MICAL2: variants seen among roughly 807,000 people sequenced by gnomAD.
MICAL2 encodes [F-actin]-monooxygenase MICAL2.
A neutral mutation model predicts 127.3 loss-of-function variants in MICAL2; 77 were observed. The ratio of observed to expected loss-of-function variants is 0.60; its 90% CI spans 0.50 to 0.73. The LOEUF is 0.73. MICAL2 is among the 30% of genes least tolerant of loss of function. The pLI is 0.00. For missense variants in MICAL2, 1,351 were observed against 1,434.4 expected, an observed-to-expected ratio of 0.94 and a Z score of 0.94; for synonymous variants, 570 against 551.1, an observed-to-expected ratio of 1.03 and a Z score of -0.48.
chr11:12,321,038 A>G (rs1864289239), intron 30 of MICAL2, among the ~76,000 whole-genome samples: 1 of 152,184 alleles, frequency 6.6e-6, no homozygotes, highest in Non-Finnish European at 1.5e-5. Flanking sequence ...AGATCCCAGC[A>G]TCAGCCATCT....
chr11:12,218,349 C>A (rs916809260), intron 8 of MICAL2, among the ~76,000 whole-genome samples: 1 of 152,168 alleles, frequency 6.6e-6, no homozygotes, highest in Non-Finnish European at 1.5e-5. Context: ...TATGGTTTTG[C>A]TCCTTCTTCC....
upstream of MICAL2, among the ~76,000 whole-genome samples, chr11:12,272,052 C>G (rs1370109844): frequency 6.6e-6 from 1 of 152,230 alleles, no homozygotes; most frequent in East Asian, 1.9e-4. Context: ...CCTCCTGGAG[C>G]CCAGGGAGCC....
At chr11:12,352,415 C>G (rs1939065209) in intron 33 of MICAL2, among the ~76,000 whole-genome samples, 1 of 152,200 alleles carries the variant, frequency 6.6e-6, no homozygotes, top group Non-Finnish European at 1.5e-5. Context: ...TAGAAGAGCT[C>G]CATGGCGACA....
chr11:12,297,176 A>G (rs551453200), downstream of MICAL2, among the ~76,000 whole-genome samples: 1 of 152,302 alleles, frequency 6.6e-6, no homozygotes, highest in South Asian at 2.1e-4. Context: ...GCAGCAAAGT[A>G]TGAGAACTCG....
chr11:12,345,394 G>C (rs1346121557), intron 32 of MICAL2, among the ~76,000 whole-genome samples: 1 of 152,224 alleles, frequency 6.6e-6, no homozygotes, highest in East Asian at 1.9e-4. Context: ...GGTGCATATA[G>C]AGTCGGCTTC....
downstream of MICAL2, chr11:12,294,899 G>T: frequency 7.0e-7 from 1 of 1,421,754 alleles, no homozygotes; most frequent in Non-Finnish European, 9.1e-7. Flanking sequence ...CTTCATGCTG[G>T]GCAGTTAGTA....
intron 2 of MICAL2, chr11:12,287,014 T>A (rs1378352224): frequency 1.0e-5 from 4 of 398,610 alleles, no homozygotes; most frequent in African/African-American, 6.2e-5. Context: ...AGGAGATAAA[T>A]TCCTACTTAC....
chr11:12,345,340 C>T (rs747433474), intron 32 of MICAL2, among the ~76,000 whole-genome samples: 1 of 152,140 alleles, frequency 6.6e-6, no homozygotes, highest in South Asian at 2.1e-4. Context: ...CTCTAACAGC[C>T]TCATAGACAA....
In MICAL2 at chr11:12,216,276, C is replaced by T. The variant is rs1224838865; in HGVS notation, c.905C>T (p.Thr302Ile). 2 of 1,613,960 alleles carry T rather than the reference C, an allele frequency of 1.2e-6. No homozygotes were observed. Among genetic ancestry groups the T allele is most frequent in the South Asian group, 2.2e-5 (2 of 91,086 alleles). ...YKDCTHYFVM[T>I]AKKQSLLDKG... Reference sequence around the variant, plus strand: ...GACTGCACCCACTATTTTGTAATGACAGCCAAGAAGCAGAGCCTGCTCGAC... The same window carrying T: ...GACTGCACCCACTATTTTGTAATGATAGCCAAGAAGCAGAGCCTGCTCGAC... The change falls in exon 8 of 28, where the codon ACA becomes ATA. Residue 302 changes from threonine to isoleucine, a missense_variant. Around this residue, in one of 2 missense-constraint regions of MICAL2, gnomAD observed 599 missense variants for 714.9 expected, o/e 0.84. Transcript: ENST00000683283.
At chr11:12,350,558 A>G (rs1166068859) in intron 33 of MICAL2, among the ~76,000 whole-genome samples, 2 of 152,100 alleles carry the variant, frequency 1.3e-5, no homozygotes, top group Non-Finnish European at 2.9e-5. Context: ...GTCTCGTTTC[A>G]TTTTTGCCCC....
chr11:12,221,582 A>T (rs1461474713), intron 9 of MICAL2, 62 bp from the exon 10 acceptor site: 18 of 1,212,486 alleles, frequency 1.5e-5, no homozygotes, highest in Non-Finnish European at 2.2e-5. Flanking sequence ...TGCTGGGTCC[A>T]ATGAGATCAT....
At chr11:12,297,855 T>A (rs1418150926) in intron 29 of MICAL2, among the ~76,000 whole-genome samples, 1 of 151,978 alleles carries the variant, frequency 6.6e-6, no homozygotes, top group East Asian at 1.9e-4. Flanking sequence ...ATCTATTATA[T>A]TCCATTTAGT....
chr11:12,226,480 GTTC>G, intron 14 of MICAL2, 110 bp downstream of exon 14: 1 of 1,152,432 alleles, frequency 8.7e-7, no homozygotes, highest in Non-Finnish European at 1.2e-6. Flanking sequence ...TGCCCAGTGT[GTTC>G]CCCTTGACTT....
At chr11:12,282,453 C>T (rs10500754) in intron 2 of MICAL2, among the ~76,000 whole-genome samples, 13,478 of 152,068 alleles carry the variant, frequency 0.089, 1,118 homozygotes, top group African/African-American at 0.22. Context: ...AATTGCCAGA[C>T]GGTTTTAGGC....
intron 6 of MICAL2, among the ~76,000 whole-genome samples, chr11:12,211,719 G>T (rs1165649882): frequency 6.6e-6 from 1 of 152,122 alleles, no homozygotes; most frequent in Admixed American, 6.6e-5. Flanking sequence ...AAGTTCAAGA[G>T]GCCAAAGAAG....
At chr11:12,351,921 G>T (rs1386879265) in intron 33 of MICAL2, among the ~76,000 whole-genome samples, 6 of 151,866 alleles carry the variant, frequency 4.0e-5, no homozygotes, top group Non-Finnish European at 5.9e-5. Flanking sequence ...CTCCCAAGAA[G>T]CTGGGACTAC....
intron 2 of MICAL2, among the ~76,000 whole-genome samples, chr11:12,282,301 C>G (rs1863781041): frequency 6.6e-6 from 1 of 152,078 alleles, no homozygotes; most frequent in South Asian, 2.1e-4. Context: ...GAACTGAGTA[C>G]TCTCCTGTGC....
In MICAL2 at chr11:12,148,110, C is replaced by G. The variant is rs1053007070; in HGVS notation, c.-78+9650C>G. On this transcript the variant is annotated intron_variant, in intron 2 of 27. Coordinates refer to ENST00000683283, the MANE Select transcript of MICAL2 (RefSeq NM_001282663.2). Reference sequence around the variant, plus strand: ...CTCAGGTGCTGAGTCACTCCATCTTCCAACTCTGCATCCACATGTCTTGGC... The same window carrying G: ...CTCAGGTGCTGAGTCACTCCATCTTGCAACTCTGCATCCACATGTCTTGGC... Among the ~76,000 whole-genome samples, 3 of 152,180 alleles carry G rather than the reference C, an allele frequency of 2.0e-5. No individual in the cohort carries two copies. The East Asian group carries it at 5.8e-4, about 29-fold the overall frequency.
chr11:12,319,651 G>C lies in MICAL2; in HGVS notation c.5213-45G>C, dbSNP rs779971894. The C allele has an allele frequency of 1.2e-5, 16 of 1,388,152 alleles. No homozygotes were observed. In the East Asian group the frequency reaches 3.7e-4, roughly 32 times the overall value. 86.0% of individuals were successfully genotyped at this position (1,388,152 alleles called of 1,614,324 possible). On this transcript the variant is annotated intron_variant, in intron 29 of 34. Coordinates refer to the MICAL2 transcript ENST00000646065. ...GCAGCAGCTTTGGTTCATAAAGCAG[G>C]AAATGAAGCTAGCAGTTCATTGAGT...
Sources: allele counts gnomAD v4.1 joint callset (sites outside exome capture counted in the v4.1 genomes callset), GRCh38; gene constraint gnomAD v4.1.1; regional missense constraint gnomAD v4.1.1; transcripts MANE v1.5; gene names NCBI Gene and HGNC (gene_info 2026-07-23, HGNC 2026-07-21).